Variants in EML6 observed in about 807,000 individuals in gnomAD.
EML6 encodes the protein echinoderm microtubule-associated protein-like 6.
EML6 carries 154 observed loss-of-function variants against 240.1 expected under a neutral mutation model. The ratio of observed to expected loss-of-function variants is 0.64; its 90% CI spans 0.56 to 0.73. The LOEUF is 0.73. Ranked by LOEUF, EML6 falls within the 30% of genes least tolerant of loss-of-function variation. The pLI is 0.00. For missense variants in EML6, 2,964 were observed against 2,474.6 expected, an observed-to-expected ratio of 1.20 and a Z score of -4.20; for synonymous variants, 1,148 against 899.0, an observed-to-expected ratio of 1.28 and a Z score of -4.95.
At chr2:54,784,972 A>G (rs545492608) in intron 2 of EML6, among the ~76,000 whole-genome samples, 2 of 152,164 alleles carry the variant, frequency 1.3e-5, no homozygotes, top group African/African-American at 4.8e-5. Context: ...ACCTCAGTCT[A>G]TGGCAAATCT....
chr2:54,880,620 T>C (rs1399537274), intron 17 of EML6: 3 of 152,196 alleles, frequency 2.0e-5, no homozygotes, highest in Non-Finnish European at 4.4e-5. Context: ...TGAGATTGAA[T>C]TCTTGGCAAC....
intron 2 of EML6, among the ~76,000 whole-genome samples, chr2:54,757,394 A>G (rs368755297): frequency 2.6e-5 from 4 of 152,192 alleles, no homozygotes; most frequent in African/African-American, 9.7e-5. Context: ...ATGCTGTAAT[A>G]CAATGTCAGG....
chr2:54,786,957 C>A, intron 2 of EML6, among the ~76,000 whole-genome samples: 1 of 152,188 alleles, frequency 6.6e-6, no homozygotes, highest in East Asian at 1.9e-4. Context: ...GTTTGACTCC[C>A]AGTGCAGTTG....
chr2:54,921,622 A>C (rs1674258728), intron 26 of EML6, among the ~76,000 whole-genome samples: 1 of 152,182 alleles, frequency 6.6e-6, no homozygotes, highest in Admixed American at 6.5e-5. Flanking sequence ...GAATAGCCAA[A>C]GCAATCCCAA....
chr2:54,865,536 C>T (rs1188179064), intron 13 of EML6, among the ~76,000 whole-genome samples: 1 of 152,134 alleles, frequency 6.6e-6, no homozygotes, highest in South Asian at 2.1e-4. Context: ...TTTGAATATC[C>T]TTAATGTGAA....
chr2:54,946,007 C>A (rs1325103485), intron 28 of EML6, among the ~76,000 whole-genome samples: 3 of 152,242 alleles, frequency 2.0e-5, no homozygotes, highest in Admixed American at 2.0e-4. Flanking sequence ...CACCAAGCCC[C>A]AGGCTGGAGT....
chr2:54,860,870 C>A (rs1168138104), intron 12 of EML6, among the ~76,000 whole-genome samples: 1 of 152,164 alleles, frequency 6.6e-6, no homozygotes, highest in Admixed American at 6.5e-5. Context: ...TTACAGCTAC[C>A]TCCCAGAGGA....
intron 7 of EML6, among the ~76,000 whole-genome samples, chr2:54,829,932 T>C (rs1022686997): frequency 6.6e-6 from 1 of 152,188 alleles, no homozygotes; most frequent in Non-Finnish European, 1.5e-5. Context: ...TTTTTACCTA[T>C]GAGAGAGTTA....
chr2:54,871,412 G>A (rs1299971367), intron 15 of EML6, 88 bp from the exon 16 acceptor site: 1 of 970,596 alleles, frequency 1.0e-6, no homozygotes, highest in Non-Finnish European at 1.6e-6. Flanking sequence ...GGTTTATCTT[G>A]GTTTCTGAGC....
intron 2 of EML6, among the ~76,000 whole-genome samples, chr2:54,804,199 A>G (rs1486252240): frequency 6.1e-4 from 93 of 152,214 alleles, no homozygotes; most frequent in Non-Finnish European, 1.6e-4. Context: ...TTCATTAATG[A>G]CTTCTCTAAA....
At chr2:54,756,402 A>G (rs1203913355) in intron 2 of EML6, among the ~76,000 whole-genome samples, 2 of 152,300 alleles carry the variant, frequency 1.3e-5, no homozygotes, top group African/African-American at 4.8e-5. Context: ...TCTAAATGTT[A>G]ACATTTTAAT....
chr2:54,736,947 T>G (rs77961365), intron 2 of EML6, among the ~76,000 whole-genome samples: 1 of 152,190 alleles, frequency 6.6e-6, no homozygotes, highest in African/African-American at 2.4e-5. Context: ...GTTATTCTTG[T>G]AAAAGACTAA....
At position 54,725,044 on chromosome 2, in the gene EML6, G is replaced by C; in HGVS notation, c.-18G>C. 1 of 1,495,068 alleles carries C rather than the reference G, an allele frequency of 6.7e-7. No individual in the cohort carries two copies. Among genetic ancestry groups the C allele is most frequent in the Non-Finnish European group, 8.9e-7 (1 of 1,122,922 alleles). 92.6% of individuals were successfully genotyped at this position (1,495,068 alleles called of 1,614,324 possible). The stretch of plus-strand genomic sequence containing the variant: ...CCCGGCGCGCGGGGGGGCGGGGGGC[G>C]CGCGGGGTCGGCTTATCATGGCGGA... On this transcript the variant is annotated 5_prime_UTR_variant, in exon 2 of 42. Coordinates refer to ENST00000356458, the MANE Select transcript of EML6 (RefSeq NM_001039753.4). This position sits in a 1 kb window ranked among gnomAD's most constrained non-coding sequence, Gnocchi z 4.3.
chr2:54,859,870 G>A (rs1333691841), intron 12 of EML6, among the ~76,000 whole-genome samples, 169 bp downstream of exon 12: 1 of 152,188 alleles, frequency 6.6e-6, no homozygotes, highest in East Asian at 1.9e-4. Flanking sequence ...ACATGGGTCA[G>A]TTGGATAATT....
intron 16 of EML6, among the ~76,000 whole-genome samples, chr2:54,878,959 A>G (rs1169709937): frequency 6.6e-6 from 1 of 152,250 alleles, no homozygotes; most frequent in Non-Finnish European, 1.5e-5. Flanking sequence ...TAAATTTCCT[A>G]TAACAAGTAC....
At chr2:54,827,365 A>G (rs915834160) in intron 5 of EML6, among the ~76,000 whole-genome samples, 1 of 152,168 alleles carries the variant, frequency 6.6e-6, no homozygotes, top group Non-Finnish European at 1.5e-5. Flanking sequence ...AAGTGTTGTT[A>G]TAGGCTTTTC....
chr2:54,830,999 G>A (rs1277029227), intron 7 of EML6, among the ~76,000 whole-genome samples: 1 of 152,188 alleles, frequency 6.6e-6, no homozygotes, highest in Non-Finnish European at 1.5e-5. Flanking sequence ...GCCATAGAGT[G>A]TGGGCCAGGG....
At position 54,813,238 on chromosome 2, in the gene EML6, C is replaced by CT. The variant is rs1233685594; in HGVS notation, c.206dup (p.Leu69PhefsTer26). On this transcript the variant is annotated frameshift_variant, in exon 3 of 42. Transcript: ENST00000356458. LOFTEE classifies it high-confidence loss of function. ...GAAACCTTTTCTCTTTCAGCCTTGC[C>CT]TTACACCCAGACAAAACTCTCGTTG... 6.5e-7 allele frequency: 1 copy of CT among 1,549,028 alleles called. No homozygotes were observed. The highest frequency in any genetic ancestry group is 2.0e-5 in the Admixed American group (1 of 50,704).
At chr2:54,729,802 A>G (rs1377857264) in intron 2 of EML6, among the ~76,000 whole-genome samples, 1 of 152,236 alleles carries the variant, frequency 6.6e-6, no homozygotes, top group Non-Finnish European at 1.5e-5. Context: ...GAATATTTGA[A>G]GTAGATCATT....
Sources: allele counts gnomAD v4.1 joint callset (sites outside exome capture counted in the v4.1 genomes callset), GRCh38; gene constraint gnomAD v4.1.1; non-coding constraint Gnocchi (gnomAD v3.1); transcripts MANE v1.5; gene names NCBI Gene and HGNC (gene_info 2026-07-23, HGNC 2026-07-21).